Variants in SF3B3 observed in about 807,000 individuals in gnomAD.
SF3B3 encodes the protein SAP 130.
In SF3B3, 33 loss-of-function variants were observed where a neutral mutation model predicts 139.2. The observed-to-expected ratio is 0.24, with a 90% CI of 0.18 to 0.32. The LOEUF (loss-of-function observed/expected upper bound fraction) is 0.32, where lower values mean the gene tolerates loss of function less well. Ranked by LOEUF, SF3B3 falls within the 10% of genes least tolerant of loss-of-function variation. The pLI is 1.00. For missense variants in SF3B3, 818 were observed against 1,509.4 expected, an observed-to-expected ratio of 0.54 and a Z score of 7.59; for synonymous variants, 596 against 563.6, an observed-to-expected ratio of 1.06 and a Z score of -0.81.
intron 4 of SF3B3, 33 bp from the exon 5 acceptor site, chr16:70,532,446 G>C (rs764101681): frequency 1.9e-6 from 3 of 1,606,754 alleles, no homozygotes; most frequent in Non-Finnish European, 2.6e-6. Flanking sequence ...ATTTTATGCT[G>C]ATGATTAGTT....
At position 70,567,464 on chromosome 16, in the gene SF3B3, G is replaced by T; in HGVS notation, c.2880G>T (p.Leu960Phe). The change falls in exon 21 of 26, where the codon TTG (leucine) becomes TTT (phenylalanine). Residue 960 changes from leucine (L) to phenylalanine (F), a missense_variant. By Grantham distance (22) the Leu-to-Phe change is conservative. Around this residue, in one of 14 missense-constraint regions of SF3B3, gnomAD observed 145 missense variants for 153.6 expected, o/e 0.94. Coordinates refer to ENST00000302516, the MANE Select transcript of SF3B3 (RefSeq NM_012426.5). ...TTGCCCCATTCCAGGGGAGGGTGTT[G>T]ATTGGTGTGGGGAAGCTGTTGCGTG... ...AAIAPFQGRV[L>F]IGVGKLLRVY... The T allele has an allele frequency of 1.2e-6, 2 of 1,614,120 alleles. No homozygotes were observed. Among genetic ancestry groups the T allele is most frequent in the Non-Finnish European group, 8.5e-7 (1 of 1,180,002 alleles).
intron 2 of SF3B3, among the ~76,000 whole-genome samples, chr16:70,528,275 C>T (rs907217806): frequency 1.3e-5 from 2 of 150,626 alleles, no homozygotes; most frequent in Non-Finnish European, 2.9e-5. Context: ...AGCGATTCTC[C>T]TGTGTCAGCC....
Position 70,541,780 on chromosome 16 carries a change from A to G in SF3B3, c.1179A>G (p.Lys393=), listed in dbSNP as rs771318708. The G allele has an allele frequency of 6.2e-7, 1 of 1,614,122 alleles. No homozygotes were observed. The highest frequency in any genetic ancestry group is 1.1e-5 in the South Asian group (1 of 91,068). ...TCTTTTTTCAGCCAAGACCACTTAA[A>G]AACCTTGTGCTGGTTGATGAGTTGG... ...DTFFFQPRPL[K]NLVLVDELDS... is the part of the protein sequence containing the mutation. Residue 393 remains lysine, a synonymous_variant, in exon 9 of 26, where the codon AAA becomes AAG. Coordinates refer to ENST00000302516, the MANE Select transcript of SF3B3 (RefSeq NM_012426.5).
chr16:70,558,975 T>G, intron 15 of SF3B3, among the ~76,000 whole-genome samples: 1 of 152,256 alleles, frequency 6.6e-6, no homozygotes, highest in East Asian at 1.9e-4. Flanking sequence ...GTTGGTTAGA[T>G]TCAGATTTAA....
chr16:70,559,503 A>G (rs2050408657), intron 15 of SF3B3, among the ~76,000 whole-genome samples: 1 of 152,046 alleles, frequency 6.6e-6, no homozygotes, highest in African/African-American at 2.4e-5. Context: ...CCTGGGCAAC[A>G]TGGCGAAACC....
intron 19 of SF3B3, 35 bp from the exon 20 acceptor site, chr16:70,565,333 T>C (rs2050465525): frequency 1.2e-6 from 2 of 1,613,666 alleles, no homozygotes; most frequent in Non-Finnish European, 1.7e-6. Context: ...GAGTTTTGAC[T>C]AAGGCCTTAC....
intron 3 of SF3B3, chr16:70,529,497 C>T: frequency 8.4e-6 from 3 of 358,778 alleles, no homozygotes; most frequent in South Asian, 7.6e-5. Context: ...CAGTGAATAT[C>T]GTTGCTTTCA....
chr16:70,570,364 A>G (rs1597725726), intron 24 of SF3B3, among the ~76,000 whole-genome samples: 2 of 121,344 alleles, frequency 1.6e-5, no homozygotes, highest in Non-Finnish European at 3.3e-5. Flanking sequence ...ACGGAGTCTC[A>G]CTGTTACCCG....
chr16:70,551,303 ATTGTTT>A (rs1329709124), intron 11 of SF3B3, among the ~76,000 whole-genome samples: 1 of 152,208 alleles, frequency 6.6e-6, no homozygotes, highest in Admixed American at 6.5e-5. Flanking sequence ...GGTATGAACT[ATTGTTT>A]TTTAACATGA....
rs2050588924 is a variant in SF3B3 at position 70,577,249 on chromosome 16, G to A, written c.*5436G>A. 1 of 152,302 alleles carries A rather than the reference G, an allele frequency of 6.6e-6. No individual in the cohort carries two copies. The highest frequency in any genetic ancestry group is 1.5e-5 in the Non-Finnish European group (1 of 68,134). 9.4% of individuals were successfully genotyped at this position (152,302 alleles called of 1,614,324 possible). On this transcript the variant is annotated 3_prime_UTR_variant, in exon 26 of 26. Transcript: ENST00000302516. The stretch of plus-strand genomic sequence containing the variant: ...GGGGCTCTGGCCCTGGGAGATCTGG[G>A]GGACCTGCTGTCCTATATGTGATGC...
chr16:70,570,319 G>A (rs959981014), intron 24 of SF3B3, among the ~76,000 whole-genome samples, 170 bp downstream of exon 24: 3 of 150,002 alleles, frequency 2.0e-5, no homozygotes, highest in African/African-American at 7.4e-5. Context: ...CCCGCACCCA[G>A]GGAAGGCCAT....
At chr16:70,553,556 T>A (rs1023741896) in intron 11 of SF3B3, among the ~76,000 whole-genome samples, 4 of 151,640 alleles carry the variant, frequency 2.6e-5, no homozygotes, top group African/African-American at 9.8e-5. Context: ...TCAACTCTTT[T>A]AAAAAATTAG....
intron 17 of SF3B3, 51 bp from the exon 18 acceptor site, chr16:70,563,825 G>A (rs1460649087): frequency 2.5e-6 from 4 of 1,578,744 alleles, no homozygotes; most frequent in Non-Finnish European, 3.5e-6. Flanking sequence ...TTCAACACCA[G>A]TTTCTGGGTC....
chr16:70,523,863 T>G lies in SF3B3; in HGVS notation c.-136T>G, dbSNP rs1597700442. The G allele has an allele frequency of 2.0e-6, 1 of 503,214 alleles. No individual in the cohort carries two copies. The highest frequency in any genetic ancestry group is 3.5e-6 in the Non-Finnish European group (1 of 286,888). The allele number at this position is 503,214 out of a possible 1,614,324, so 31.2% of individuals were successfully genotyped here. On this transcript the variant is annotated 5_prime_UTR_variant, in exon 1 of 26. Transcript: ENST00000302516. ...GCGGACGCCAGTATGTTGGAGTTGG[T>G]GGTGGCTTAAGTTTTGAAGGGAGGT... is the stretch of plus-strand genomic sequence containing the variant.
At chr16:70,570,753 TG>T (rs2050521622) in intron 24 of SF3B3, among the ~76,000 whole-genome samples, 1 of 152,242 alleles carries the variant, frequency 6.6e-6, no homozygotes, top group African/African-American at 2.4e-5. Context: ...ATTGATGGGA[TG>T]ATCCCTCCTG....
Position 70,529,021 on chromosome 16 carries a change from C to CTT in SF3B3, c.219_220insTT (p.Thr74LeufsTer7). On this transcript the variant is annotated frameshift_variant, in exon 3 of 26. Transcript: ENST00000302516. LOFTEE classifies it high-confidence loss of function. ...TCATGGCCTTTAGGCTGACAGGTGGCACCAAAGACTACATTGTAGTTGGCA... is the reference window on the plus strand; with the variant it reads ...TCATGGCCTTTAGGCTGACAGGTGGCTTACCAAAGACTACATTGTAGTTGGCA... 6.2e-7 allele frequency: 1 copy of CTT among 1,614,138 alleles called. No individual in the cohort carries two copies. The highest frequency in any genetic ancestry group is 8.5e-7 in the Non-Finnish European group (1 of 1,180,034).
At chr16:70,545,834 A>T (rs1020999811) in intron 10 of SF3B3, among the ~76,000 whole-genome samples, 2 of 152,212 alleles carry the variant, frequency 1.3e-5, no homozygotes, top group African/African-American at 4.8e-5. Flanking sequence ...AAGGTATGGC[A>T]TGAAGTGTTC....
chr16:70,567,493 A>G lies in SF3B3; in HGVS notation c.2909A>G (p.Tyr970Cys). 2 of 1,614,090 alleles carry G rather than the reference A, an allele frequency of 1.2e-6. No homozygotes were observed. The highest frequency in any genetic ancestry group is 2.2e-5 in the South Asian group (2 of 91,066). The change falls in exon 21 of 26, where the codon TAT becomes TGT. Residue 970 changes from tyrosine (Y) to cysteine (C), a missense_variant. This residue lies in a region of SF3B3 where 145 missense variants were observed against 153.6 expected (regional missense o/e 0.94). Coordinates refer to ENST00000302516, the MANE Select transcript of SF3B3 (RefSeq NM_012426.5). ...GGTGTGGGGAAGCTGTTGCGTGTCT[A>G]TGACCTGGGAAAGAAGAAGTTACTC... Reference protein sequence around the residue: ...LIGVGKLLRVYDLGKKKLLRK... With the variant: ...LIGVGKLLRVCDLGKKKLLRK...
At position 70,556,871 on chromosome 16, in the gene SF3B3, T is replaced by G. The variant is rs745413533; in HGVS notation, c.1867-15T>G. The G allele has an allele frequency of 8.7e-6, 14 of 1,613,898 alleles. No homozygotes were observed. Among genetic ancestry groups the G allele is most frequent in the Middle Eastern group, 1.6e-4 (1 of 6,084 alleles). ...GTCATTTTCTGTGTTTTTATGATTTTTCTCTCCCTCTCAGGACTGTTTGCA... is the reference window on the plus strand; with the variant it reads ...GTCATTTTCTGTGTTTTTATGATTTGTCTCTCCCTCTCAGGACTGTTTGCA... On this transcript the variant is annotated splice_polypyrimidine_tract_variant and intron_variant, in intron 14 of 25. Transcript: ENST00000302516.
Sources: gnomAD v4.1 joint callset for allele counts (sites outside exome capture counted in the v4.1 genomes callset) on GRCh38, gnomAD v4.1.1 for gene constraint, gnomAD v4.1.1 regional missense constraint, MANE v1.5 for transcripts, NCBI Gene and HGNC (gene_info 2026-07-23, HGNC 2026-07-21) for gene names.